Variants in ACOT2 observed in about 807,000 individuals in gnomAD.
ACOT2 encodes acyl-CoA thioesterase 2, also known as acyl-coenzyme A thioesterase 2, mitochondrial.
ACOT2 carries 15 observed loss-of-function variants against 20.1 expected under a neutral mutation model. The observed-to-expected ratio is 0.75, with a 90% CI of 0.50 to 1.15. The LOEUF is 1.15. ACOT2 is among the 50% of genes most tolerant of loss of function. The pLI, the probability that ACOT2 is intolerant of heterozygous loss-of-function variation, is 0.00. For missense variants in ACOT2, 479 were observed against 615.3 expected, an observed-to-expected ratio of 0.78 and a Z score of 2.34; for synonymous variants, 252 against 268.4, an observed-to-expected ratio of 0.94 and a Z score of 0.60.
In ACOT2 at chr14:73,569,437, C is replaced by T; in HGVS notation, c.197C>T (p.Thr66Met). 1 of 1,613,850 alleles carries T rather than the reference C, an allele frequency of 6.2e-7. No individual in the cohort carries two copies. Residue 66 changes from threonine (T) to methionine (M), a missense_variant, in exon 1 of 3, where the codon ACG (threonine) becomes ATG (methionine). Transcript: ENST00000238651. ...AGGGTTCCTGCTCGGATGGCGGCGA[C>T]GCTGATCCTGGAGCCTGCGGGCCGC... is the stretch of plus-strand genomic sequence containing the variant. ...IIRVPARMAA[T>M]LILEPAGRCC... is the part of the protein sequence containing the mutation.
chr14:73,569,462 C>G lies in ACOT2; in HGVS notation c.222C>G (p.Arg74=). Residue 74 remains arginine (R), a synonymous_variant, in exon 1 of 3, where the codon CGC becomes CGG. Coordinates refer to ENST00000238651, the MANE Select transcript of ACOT2 (RefSeq NM_006821.6). ...AATLILEPAG[R]CCWDEPVRIA... ...CGCTGATCCTGGAGCCTGCGGGCCG[C>G]TGCTGCTGGGACGAACCGGTGCGAA... 1.2e-6 allele frequency: 2 copies of G among 1,613,488 alleles called. No homozygotes were observed. Among genetic ancestry groups the G allele is most frequent in the Non-Finnish European group, 1.7e-6 (2 of 1,179,742 alleles).
rs760366383 is a variant in ACOT2 at position 73,569,257 on chromosome 14, T to C, written c.17T>C (p.Leu6Pro). ...CCCGAGAGGATGTCTAACAAGCTTCTTTCTCCCCACCCCCATTCAGTTGTT... is the reference window on the plus strand; with the variant it reads ...CCCGAGAGGATGTCTAACAAGCTTCCTTCTCCCCACCCCCATTCAGTTGTT... The part of the protein sequence containing the change: MSNKL[L>P]SPHPHSVVLR... The change falls in exon 1 of 3, where the codon CTT (leucine) becomes CCT (proline). Residue 6 changes from leucine to proline, a missense_variant. Around this residue, in one of 4 missense-constraint regions of ACOT2, gnomAD observed 400 missense variants for 395.5 expected, o/e 1.01. Coordinates refer to ENST00000238651, the MANE Select transcript of ACOT2 (RefSeq NM_006821.6). 1.6e-5 allele frequency: 26 copies of C among 1,613,682 alleles called. No homozygotes were observed. The highest frequency in any genetic ancestry group is 2.2e-5 in the South Asian group (2 of 91,062).
At chr14:73,570,341 G>T (rs1162278441) in intron 1 of ACOT2, among the ~76,000 whole-genome samples, 2 of 151,752 alleles carry the variant, frequency 1.3e-5, no homozygotes, top group Non-Finnish European at 2.9e-5. Flanking sequence ...AAGTCTCGGC[G>T]GGCAGATCAC....
rs10565980 is a variant in ACOT2, at chr14:73,572,639, ATTTTTTT to A, written c.644-729_644-723del. 2.7e-4 allele frequency among the ~76,000 whole-genome samples: 29 copies of A among 107,202 alleles called. 2 individuals are homozygous for A. Among genetic ancestry groups the A allele is most frequent in the South Asian group, 1.6e-3 (5 of 3,080 alleles). 70.3% of individuals were successfully genotyped at this position (107,202 alleles called of 152,430 possible). A position where few individuals can be genotyped will look rare whatever the true frequency, so the allele number is the denominator to read the frequency against. ...AAAGTGTTGCCTGTAAGGTGTTTGC[ATTTTTTT>A]TTTTTTTTTTTTTTTTTTTGAGACA... On this transcript the variant is annotated intron_variant, in intron 1 of 2. Coordinates refer to ENST00000238651, the MANE Select transcript of ACOT2 (RefSeq NM_006821.6).
chr14:73,574,651 G>A (rs1397021381), intron 2 of ACOT2, among the ~76,000 whole-genome samples: 1 of 152,030 alleles, frequency 6.6e-6, no homozygotes, highest in African/African-American at 2.4e-5. Flanking sequence ...AAGATCATGG[G>A]AGATACGAGA....
Position 73,572,503 on chromosome 14 carries a change from G to A in ACOT2, c.644-885G>A, listed in dbSNP as rs963909229. On this transcript the variant is annotated intron_variant, in intron 1 of 2. Transcript: ENST00000238651. Reference sequence around the variant, plus strand: ...ATAATCTAAGTGGTAATACTATGAAGAAAACCAAGAGTGATACACAGAAAG... The same window carrying A: ...ATAATCTAAGTGGTAATACTATGAAAAAAACCAAGAGTGATACACAGAAAG... 1.0e-3 allele frequency among the ~76,000 whole-genome samples: 158 copies of A among 151,644 alleles called. 1 individual carries two copies. Among genetic ancestry groups the A allele is most frequent in the Non-Finnish European group, 9.9e-4 (67 of 67,828 alleles).
intron 1 of ACOT2, among the ~76,000 whole-genome samples, chr14:73,572,731 C>T (rs1361621107): frequency 1.3e-5 from 2 of 148,630 alleles, no homozygotes; most frequent in African/African-American, 5.0e-5. Context: ...CTGCAACCTC[C>T]ACCTCCCGGG....
chr14:73,574,068 G>T (rs1267725887), intron 2 of ACOT2, among the ~76,000 whole-genome samples: 2 of 149,678 alleles, frequency 1.3e-5, no homozygotes, highest in African/African-American at 2.5e-5. Flanking sequence ...ATGGGGTTTC[G>T]CCATGTTGGC....
Position 73,569,375 on chromosome 14 carries a change from G to A in ACOT2, c.135G>A (p.Leu45=). Residue 45 remains leucine (L), a synonymous_variant, in exon 1 of 3, where the codon CTG becomes CTA. Coordinates refer to ENST00000238651, the MANE Select transcript of ACOT2 (RefSeq NM_006821.6). ...QWSLKSSAQF[L]GSPQLRQVGQ... is the part of the protein sequence containing the mutation. ...GCCTGAAGAGTTCGGCGCAGTTCCT[G>A]GGGTCTCCACAGCTGAGGCAGGTTG... The A allele has an allele frequency of 1.2e-6, 2 of 1,613,976 alleles. No individual in the cohort carries two copies. The highest frequency in any genetic ancestry group is 1.7e-6 in the Non-Finnish European group (2 of 1,179,800).
chr14:73,569,920 CCTTTCA>C (rs1223248772), intron 1 of ACOT2, 37 bp downstream of exon 1: 1 of 1,581,360 alleles, frequency 6.3e-7, no homozygotes, highest in East Asian at 2.3e-5. Flanking sequence ...TGTTCGTTCG[CCTTTCA>C]CTTTGTGTGT....
At chr14:73,572,536 T>C (rs1889777173) in intron 1 of ACOT2, among the ~76,000 whole-genome samples, 1 of 150,290 alleles carries the variant, frequency 6.7e-6, no homozygotes, top group African/African-American at 2.4e-5. Flanking sequence ...AAGTCCAGGA[T>C]ACTGGAAAGA....
In ACOT2 at chr14:73,573,320, T is replaced by C. The variant is rs1473964165; in HGVS notation, c.644-68T>C. The C allele has an allele frequency of 5.0e-6, 8 of 1,607,108 alleles. No homozygotes were observed. The Admixed American group carries it at 1.3e-4, about 27-fold the overall frequency. ...GGGTCACATGTGTGGTAAGTATATG[T>C]TTAACTTAAACCATCCAACTGTTTC... On this transcript the variant is annotated intron_variant, in intron 1 of 2. Transcript: ENST00000238651.
chr14:73,568,633 T>G (rs1165967662), upstream of ACOT2, among the ~76,000 whole-genome samples: 2 of 151,830 alleles, frequency 1.3e-5, no homozygotes, highest in African/African-American at 4.8e-5. Context: ...AAATAATAAC[T>G]ATTAGCCGGG....
intron 2 of ACOT2, among the ~76,000 whole-genome samples, chr14:73,574,612 G>A (rs1242508268): frequency 1.3e-5 from 2 of 152,020 alleles, no homozygotes; most frequent in Non-Finnish European, 2.9e-5. Flanking sequence ...ATGACAGTGG[G>A]AATGGGTGGC....
chr14:73,569,778 C>G lies in ACOT2; in HGVS notation c.538C>G (p.Arg180Gly), dbSNP rs745991538. 3 of 1,606,176 alleles carry G rather than the reference C, an allele frequency of 1.9e-6. No homozygotes were observed. Among genetic ancestry groups the G allele is most frequent in the Middle Eastern group, 1.9e-4 (1 of 5,162 alleles). Residue 180 changes from arginine (R) to glycine (G), a missense_variant, in exon 1 of 3, where the codon CGG (arginine) becomes GGG (glycine). Physicochemically the swap from Arg to Gly is moderately radical, Grantham distance 125. Transcript: ENST00000238651. ...GGATGGCCACGACCCCGACCCCGGG[C>G]GGCTGCTGTGCCAGACGCGGCACGA... is the stretch of plus-strand genomic sequence containing the variant. ...VLDGHDPDPG[R>G]LLCQTRHERY...
In ACOT2 at chr14:73,575,503, C is replaced by G. The variant is rs779315637; in HGVS notation, c.1442C>G (p.Ser481Ter). Residue 481 changes from serine (S) to a stop codon, truncating the protein, a stop_gained, in exon 3 of 3, where the codon TCA becomes TGA. Coordinates refer to ENST00000238651, the MANE Select transcript of ACOT2 (RefSeq NM_006821.6). LOFTEE classifies it high-confidence loss of function. ...HLGGHEGTIP[S>*]KV Reference sequence around the variant, plus strand: ...GGTGGCCACGAGGGGACAATCCCATCAAAAGTGTAAATTTTATTTGATCAT... The same window carrying G: ...GGTGGCCACGAGGGGACAATCCCATGAAAAGTGTAAATTTTATTTGATCAT... The G allele has an allele frequency of 1.3e-5, 19 of 1,510,702 alleles. No individual in the cohort carries two copies. The highest frequency in any genetic ancestry group is 7.9e-6 in the Non-Finnish European group (9 of 1,133,476). 93.6% of individuals were successfully genotyped at this position (1,510,702 alleles called of 1,614,324 possible).
chr14:73,569,139 A>T, upstream of ACOT2: 1 of 1,363,062 alleles, frequency 7.3e-7, no homozygotes, highest in East Asian at 2.3e-5. Context: ...CAGTGTGTCT[A>T]TATTTGGTCT....
chr14:73,574,472 A>G, intron 2 of ACOT2: 1 of 310,792 alleles, frequency 3.2e-6, no homozygotes, highest in South Asian at 3.2e-5. Context: ...CATGTTGGCC[A>G]GACTGATCTC....
At chr14:73,573,288 G>T (rs1217952128) in intron 1 of ACOT2, 100 bp from the exon 2 acceptor site, 2 of 1,542,804 alleles carry the variant, frequency 1.3e-6, no homozygotes, top group Admixed American at 3.4e-5. Flanking sequence ...CTAGGAGTGG[G>T]ATTGCTGGGT....
Sources: gnomAD v4.1 joint callset for allele counts (sites outside exome capture counted in the v4.1 genomes callset) on GRCh38, gnomAD v4.1.1 for gene constraint, gnomAD v4.1.1 regional missense constraint, MANE v1.5 for transcripts, NCBI Gene and HGNC (gene_info 2026-07-23, HGNC 2026-07-21) for gene names.